The following GRIK1 variants were observed in gnomAD, a reference collection of about 807,000 sequenced individuals.
The protein encoded by GRIK1 is glutamate receptor ionotropic, kainate 1.
GRIK1 carries 69 observed loss-of-function variants against 105.7 expected under a neutral mutation model. That is an observed-to-expected ratio of 0.65 (90% CI 0.54 to 0.80). GRIK1 has a LOEUF of 0.80. Ranked by LOEUF, GRIK1 falls within the 30% of genes least tolerant of loss-of-function variation. GRIK1 has a pLI of 0.00. For missense variants in GRIK1, 1,109 were observed against 1,167.3 expected, an observed-to-expected ratio of 0.95 and a Z score of 0.73; for synonymous variants, 438 against 431.3, an observed-to-expected ratio of 1.02 and a Z score of -0.19.
At chr21:29,566,622 T>C (rs2146198215) in intron 14 of GRIK1, among the ~76,000 whole-genome samples, 1 of 152,350 alleles carries the variant, frequency 6.6e-6, no homozygotes, top group East Asian at 1.9e-4. Flanking sequence ...GTTTATAATG[T>C]TTGCAGGCAT....
chr21:29,724,293 A>G (rs459795), intron 1 of GRIK1, among the ~76,000 whole-genome samples: 148,603 of 152,280 alleles, frequency 0.98, 72,611 homozygotes, highest in East Asian at 1. Context: ...GGGGAAAAAG[A>G]CCTACATCAC....
intron 3 of GRIK1, among the ~76,000 whole-genome samples, chr21:29,689,091 T>G (rs2063536507): frequency 6.7e-6 from 1 of 150,006 alleles, no homozygotes; most frequent in South Asian, 2.1e-4. Context: ...TTCTGGACAA[T>G]AAGCAGAAAG....
intron 7 of GRIK1, among the ~76,000 whole-genome samples, chr21:29,627,990 TC>T (rs1438729395): frequency 9.9e-5 from 15 of 152,220 alleles, no homozygotes; most frequent in African/African-American, 3.6e-4. Flanking sequence ...TGGCATTATT[TC>T]ATTTGTTTTT....
In GRIK1 at chr21:29,939,467, G is replaced by C; in HGVS notation, c.34C>G (p.Leu12Val). ...GCCCAGCTGGTGTCCCTGGTCCAGA[G>C]CCCGGGCTGGGCGAGGAGTGTGCCG... ...EHGTLLAQPGLWTRDTSWALL... is the reference protein window; with the variant it reads ...EHGTLLAQPGVWTRDTSWALL... The change falls in exon 1 of 18, where the codon CTC becomes GTC. Residue 12 changes from leucine (L) to valine (V), a missense_variant. This residue lies in a region of GRIK1 where 612 missense variants were observed against 586.0 expected (regional missense o/e 1.04). Coordinates refer to ENST00000327783, the MANE Select transcript of GRIK1 (RefSeq NM_001330994.2). 6.3e-7 allele frequency: 1 copy of C among 1,599,832 alleles called. No homozygotes were observed. The highest frequency in any genetic ancestry group is 1.1e-5 in the South Asian group (1 of 89,724).
At chr21:29,779,909 G>A (rs140801413) in intron 1 of GRIK1, among the ~76,000 whole-genome samples, 93 of 152,080 alleles carry the variant, frequency 6.1e-4, no homozygotes, top group African/African-American at 2.2e-3. Flanking sequence ...AAATACAAGT[G>A]CAAAGAAAAA....
At chr21:29,811,126 G>A (rs1207103471) in intron 1 of GRIK1, among the ~76,000 whole-genome samples, 4 of 152,034 alleles carry the variant, frequency 2.6e-5, no homozygotes, top group Admixed American at 6.6e-5. Context: ...AGTGGAGGGC[G>A]TCATTAGAGG....
intron 1 of GRIK1, among the ~76,000 whole-genome samples, chr21:29,782,903 A>C (rs780400209): frequency 6.6e-6 from 1 of 152,152 alleles, no homozygotes; most frequent in African/African-American, 2.4e-5. Context: ...ACTCATGAAC[A>C]TTTGTATTCA....
intron 14 of GRIK1, among the ~76,000 whole-genome samples, chr21:29,566,134 T>C (rs2090606281): frequency 1.3e-5 from 2 of 152,362 alleles, no homozygotes; most frequent in South Asian, 2.1e-4. Context: ...TTATCATACA[T>C]ATTAAAAGAC....
intron 7 of GRIK1, among the ~76,000 whole-genome samples, chr21:29,616,058 G>A (rs909075853): frequency 6.6e-6 from 1 of 152,084 alleles, no homozygotes; most frequent in African/African-American, 2.4e-5. Context: ...CAACAGCCTT[G>A]GGAACCCATC....
chr21:29,813,917 T>C (rs923062655), intron 1 of GRIK1, among the ~76,000 whole-genome samples: 1 of 147,428 alleles, frequency 6.8e-6, no homozygotes, highest in African/African-American at 2.5e-5. Context: ...AACATTCTTT[T>C]TTTTTTTTTT....
At chr21:29,931,064 C>T (rs1298448565) in intron 1 of GRIK1, among the ~76,000 whole-genome samples, 1 of 152,188 alleles carries the variant, frequency 6.6e-6, no homozygotes, top group African/African-American at 2.4e-5. Flanking sequence ...TTCACATGTA[C>T]TCCACATCTT....
In GRIK1 at chr21:29,596,639, G is replaced by A. The variant is rs73348595; in HGVS notation, c.1207-69C>T. The A allele has an allele frequency of 8.3e-4, 910 of 1,090,614 alleles. 8 individuals are homozygous for A. In the African/African-American group the frequency reaches 0.012, roughly 15 times the overall value. 67.6% of individuals were successfully genotyped at this position (1,090,614 alleles called of 1,614,324 possible). A position where few individuals can be genotyped will look rare whatever the true frequency, so the allele number is the denominator to read the frequency against. On this transcript the variant is annotated intron_variant, in intron 8 of 17. Transcript: ENST00000327783. ...TAAAATGGAGCGTGAAACCCAGAAGGAATCATGGTGTGTGAGTGCTTAGAG... is the reference window on the plus strand; with the variant it reads ...TAAAATGGAGCGTGAAACCCAGAAGAAATCATGGTGTGTGAGTGCTTAGAG...
chr21:29,896,306 C>T (rs573359300), intron 1 of GRIK1, among the ~76,000 whole-genome samples: 17 of 152,248 alleles, frequency 1.1e-4, no homozygotes, highest in African/African-American at 3.9e-4. Context: ...CCCCTGGGTA[C>T]CCTAGGTAAA....
chr21:29,921,252 G>A (rs2071183689), intron 1 of GRIK1, among the ~76,000 whole-genome samples: 1 of 152,092 alleles, frequency 6.6e-6, no homozygotes, highest in African/African-American at 2.4e-5. Context: ...TTCTAGAGGA[G>A]TTCCTTGACA....
chr21:29,919,501 A>G (rs1160375614), intron 1 of GRIK1, among the ~76,000 whole-genome samples: 2 of 152,166 alleles, frequency 1.3e-5, no homozygotes, highest in African/African-American at 4.8e-5. Flanking sequence ...ACACACCTAC[A>G]TAACTTGTTC....
At chr21:29,697,486 A>AT (rs2063725476) in intron 1 of GRIK1, among the ~76,000 whole-genome samples, 4 of 151,414 alleles carry the variant, frequency 2.6e-5, no homozygotes, top group African/African-American at 2.4e-5. Context: ...TTTTTTTTTC[A>AT]TTTTTTCATC....
At chr21:29,770,383 G>A (rs915878609) in intron 1 of GRIK1, among the ~76,000 whole-genome samples, 6 of 152,292 alleles carry the variant, frequency 3.9e-5, no homozygotes, top group Middle Eastern at 3.4e-3. Flanking sequence ...TAACATCAGC[G>A]TAACAAAGTG....
chr21:29,549,964 C>T (rs1177634643), intron 16 of GRIK1, among the ~76,000 whole-genome samples: 5 of 151,584 alleles, frequency 3.3e-5, no homozygotes, highest in Non-Finnish European at 7.4e-5. Context: ...AAAAATTAGC[C>T]AGGCGTGATG....
chr21:29,822,789 C>T (rs1470945410), intron 1 of GRIK1, among the ~76,000 whole-genome samples: 1 of 151,982 alleles, frequency 6.6e-6, no homozygotes, highest in African/African-American at 2.4e-5. Flanking sequence ...CATCCTCGAT[C>T]TAGACTTCTT....
Sources: allele counts gnomAD v4.1 joint callset (sites outside exome capture counted in the v4.1 genomes callset), GRCh38; gene constraint gnomAD v4.1.1; regional missense constraint gnomAD v4.1.1; transcripts MANE v1.5; gene names NCBI Gene and HGNC (gene_info 2026-07-23, HGNC 2026-07-21).